The following CHAT variants were observed in gnomAD, a reference collection of about 807,000 sequenced individuals.
CHAT encodes choline O-acetyltransferase, also known as acetyl CoA:choline O-acetyltransferase.
In CHAT, 61 loss-of-function variants were observed where a neutral mutation model predicts 76.9. That is an observed-to-expected ratio of 0.79 (90% CI 0.65 to 0.98). The LOEUF (loss-of-function observed/expected upper bound fraction) is 0.98, where lower values mean the gene tolerates loss of function less well. Ranked by LOEUF, CHAT falls within the 50% of genes least tolerant of loss-of-function variation. CHAT has a pLI of 0.00. For synonymous variants in CHAT, 407 were observed against 397.4 expected (o/e 1.02, Z -0.29); for missense variants, 946 against 986.9 (o/e 0.96, Z 0.56).
At chr10:49,611,270 C>A (rs144777033), upstream of CHAT, 3 of 1,611,810 alleles carry the variant, frequency 1.9e-6, no homozygotes, top group Middle Eastern at 1.6e-4. Context: ...GACTACGCCA[C>A]GCTGTTCGCG....
In CHAT at chr10:49,614,120, T is replaced by C. The variant is rs1361433862; in HGVS notation, c.-70T>C. 9 of 1,543,718 alleles carry C rather than the reference T, an allele frequency of 5.8e-6. No homozygotes were observed. ...AGCCTAAATTTGTTGCCCGAGTTCCTCCGGGAAGCGCTCCGGGTAGATTCT... is the reference window on the plus strand; with the variant it reads ...AGCCTAAATTTGTTGCCCGAGTTCCCCCGGGAAGCGCTCCGGGTAGATTCT... On this transcript the variant is annotated 5_prime_UTR_variant, in exon 1 of 15. Transcript: ENST00000337653.
intron 5 of CHAT, among the ~76,000 whole-genome samples, chr10:49,625,171 C>A (rs540554277): frequency 1.3e-5 from 2 of 152,200 alleles, no homozygotes; most frequent in East Asian, 3.9e-4. Flanking sequence ...GGGGTTGGGG[C>A]AAAGGCACGC....
chr10:49,637,532 G>A (rs1277342400), intron 7 of CHAT: 1 of 152,230 alleles, frequency 6.6e-6, no homozygotes, highest in African/African-American at 2.4e-5. Context: ...TGGTTTAAAA[G>A]TGCTTGGCAG....
At position 49,614,231 on chromosome 10, in the gene CHAT, G is replaced by A; in HGVS notation, c.42G>A (p.Gly14=). ...RTAKKRGLGG[G]GKWKREEGGG... ...CGAAGAAGAGGGGGCTTGGGGGAGGGGGGAAATGGAAGAGAGAGGAGGGAG... is the reference window on the plus strand; with the variant it reads ...CGAAGAAGAGGGGGCTTGGGGGAGGAGGGAAATGGAAGAGAGAGGAGGGAG... Residue 14 remains glycine (G), a synonymous_variant, in exon 1 of 15, where the codon GGG becomes GGA. Transcript: ENST00000337653. 9.7e-6 allele frequency: 15 copies of A among 1,540,746 alleles called. No individual in the cohort carries two copies. The highest frequency in any genetic ancestry group is 1.3e-5 in the Non-Finnish European group (15 of 1,140,394).
chr10:49,630,521 T>C (rs2132745104), intron 7 of CHAT, among the ~76,000 whole-genome samples: 1 of 152,274 alleles, frequency 6.6e-6, no homozygotes, highest in South Asian at 2.1e-4. Context: ...AAAGAAATTG[T>C]CGATGAGGCA....
chr10:49,660,534 G>A (rs1355743265), intron 13 of CHAT, among the ~76,000 whole-genome samples: 1 of 152,032 alleles, frequency 6.6e-6, no homozygotes, highest in Non-Finnish European at 1.5e-5. Flanking sequence ...CTAAGCATAT[G>A]TTTGGAGGAA....
chr10:49,650,920 G>A (rs1345352051), intron 10 of CHAT, among the ~76,000 whole-genome samples: 1 of 152,148 alleles, frequency 6.6e-6, no homozygotes, highest in Non-Finnish European at 1.5e-5. Context: ...GCAGTGAGCT[G>A]GTGGGCTGCT....
At chr10:49,647,280 G>C (rs1007636445) in intron 8 of CHAT, 4 of 156,422 alleles carry the variant, frequency 2.6e-5, no homozygotes, top group Admixed American at 1.8e-4. Context: ...CTTTGACCTA[G>C]AGAAAAATAC....
chr10:49,609,520 G>A (rs530091155), upstream of CHAT, among the ~76,000 whole-genome samples: 1 of 152,242 alleles, frequency 6.6e-6, no homozygotes, highest in East Asian at 1.9e-4. Context: ...AAGGAGAAAG[G>A]GGGATTCCAG....
At chr10:49,620,161 G>A (rs1385716177) in intron 3 of CHAT, among the ~76,000 whole-genome samples, 1 of 152,100 alleles carries the variant, frequency 6.6e-6, no homozygotes, top group African/African-American at 2.4e-5. Context: ...ACAAATCGGG[G>A]ACAGGAATTG....
In CHAT at chr10:49,625,528, A is replaced by G. The variant is rs1030864300; in HGVS notation, c.808A>G (p.Met270Val). 3 of 1,613,472 alleles carry G rather than the reference A, an allele frequency of 1.9e-6. No individual in the cohort carries two copies. Among genetic ancestry groups the G allele is most frequent in the African/African-American group, 2.7e-5 (2 of 74,924 alleles). Residue 270 changes from methionine (M) to valine (V), a missense_variant, in exon 6 of 15, where the codon ATG becomes GTG. Physicochemically the swap from Met to Val is conservative, Grantham distance 21. This residue lies in a region of CHAT where 548 missense variants were observed against 516.2 expected (regional missense o/e 1.06). Coordinates refer to ENST00000337653, the MANE Select transcript of CHAT (RefSeq NM_020549.5). Reference protein sequence around the residue: ...KGQLSGQPLCMKQYYGLFSSY... With the variant: ...KGQLSGQPLCVKQYYGLFSSY... ...CCAGCTGTCAGGGCAGCCCCTTTGC[A>G]TGAAGCAATACTATGGGCTCTTCTC... is the stretch of plus-strand genomic sequence containing the variant.
rs1279293505 is a variant in CHAT at position 49,667,318 on chromosome 10, G to A, written c.*2272G>A. Among the ~76,000 whole-genome samples the A allele has an allele frequency of 6.6e-6, 1 of 152,136 alleles. No individual in the cohort carries two copies. The highest frequency in any genetic ancestry group is 1.5e-5 in the Non-Finnish European group (1 of 68,020). On this transcript the variant is annotated 3_prime_UTR_variant, in exon 15 of 15. Transcript: ENST00000337653. ...CCTTTGGGATGACATTACCCCAGTG[G>A]GCATTGTTTGGGTGGTTTTCTTTTA...
intron 4 of CHAT, among the ~76,000 whole-genome samples, chr10:49,621,141 G>T (rs1276925534): frequency 1.3e-5 from 2 of 152,242 alleles, no homozygotes; most frequent in Admixed American, 6.5e-5. Context: ...TGGAGGATGG[G>T]TGCAGGGAGA....
chr10:49,629,486 TC>T (rs1839040266), intron 7 of CHAT, among the ~76,000 whole-genome samples: 1 of 152,324 alleles, frequency 6.6e-6, no homozygotes, highest in Admixed American at 6.5e-5. Context: ...CATGGTGTAA[TC>T]AAATCCCACT....
At chr10:49,611,645 A>G, upstream of CHAT, 1 of 1,612,032 alleles carries the variant, frequency 6.2e-7, no homozygotes, top group Non-Finnish European at 8.5e-7. Flanking sequence ...ACCACCTGTA[A>G]CATTCCCCTC....
At chr10:49,635,592 G>C (rs903187276) in intron 7 of CHAT, among the ~76,000 whole-genome samples, 1 of 152,080 alleles carries the variant, frequency 6.6e-6, no homozygotes, top group Non-Finnish European at 1.5e-5. Flanking sequence ...GCCAGCATTT[G>C]GTGGTGTCAC....
At chr10:49,635,315 GTTTC>G (rs1839260032) in intron 7 of CHAT, among the ~76,000 whole-genome samples, 1 of 152,138 alleles carries the variant, frequency 6.6e-6, no homozygotes, top group Non-Finnish European at 1.5e-5. Context: ...CTAGGTATCA[GTTTC>G]TTTCATTGTT....
chr10:49,662,631 C>G lies in CHAT; in HGVS notation c.1840-14C>G, dbSNP rs916103213. On this transcript the variant is annotated splice_polypyrimidine_tract_variant and intron_variant, in intron 13 of 14. Coordinates refer to ENST00000337653, the MANE Select transcript of CHAT (RefSeq NM_020549.5). Reference sequence around the variant, plus strand: ...CCACTTCTCATCTCCTGTTCTTTGTCCCCAACTACACAGGCCATAACAGGG... The same window carrying G: ...CCACTTCTCATCTCCTGTTCTTTGTGCCCAACTACACAGGCCATAACAGGG... 59 of 1,613,848 alleles carry G rather than the reference C, an allele frequency of 3.7e-5. No homozygotes were observed. The highest frequency in any genetic ancestry group is 6.7e-5 in the African/African-American group (5 of 74,894).
intron 3 of CHAT, 115 bp downstream of exon 3, chr10:49,620,031 G>C: frequency 1.9e-6 from 2 of 1,037,744 alleles, no homozygotes; most frequent in Non-Finnish European, 2.8e-6. Context: ...GAGAGATGAG[G>C]GACAGGGATG....
Sources: allele counts gnomAD v4.1 joint callset (sites outside exome capture counted in the v4.1 genomes callset), GRCh38; gene constraint gnomAD v4.1.1; regional missense constraint gnomAD v4.1.1; transcripts MANE v1.5; gene names NCBI Gene and HGNC (gene_info 2026-07-23, HGNC 2026-07-21).